Variants in LRTM1 observed in about 807,000 individuals in gnomAD.
LRTM1 encodes leucine rich repeat transmembrane protein 1.
LRTM1 carries 38 observed loss-of-function variants against 32.4 expected under a neutral mutation model. The ratio of observed to expected loss-of-function variants is 1.17; its 90% CI spans 0.91 to 1.54. The LOEUF (loss-of-function observed/expected upper bound fraction) is 1.54, where lower values mean the gene tolerates loss of function less well. Among genes scored for constraint, LRTM1 ranks in the 40% most tolerant of loss-of-function variants. The pLI is 0.00. For synonymous variants in LRTM1, 186 were observed against 169.9 expected, an observed-to-expected ratio of 1.09 and a Z score of -0.74; for missense variants, 466 against 415.4, an observed-to-expected ratio of 1.12 and a Z score of -1.06.
chr3:54,924,507 C>A (rs1410194910), intron 2 of LRTM1, 112 bp downstream of exon 2: 1 of 879,360 alleles, frequency 1.1e-6, no homozygotes, highest in African/African-American at 1.7e-5. Flanking sequence ...GTGTAAAAGC[C>A]CAAATCCACC....
chr3:54,952,778 T>C (rs1701791154), intron 1 of LRTM1, among the ~76,000 whole-genome samples: 1 of 152,152 alleles, frequency 6.6e-6, no homozygotes, highest in East Asian at 1.9e-4. Flanking sequence ...CTCAATGCCC[T>C]CAGCTGTAGA....
At chr3:54,959,920 A>G (rs6445710) in intron 1 of LRTM1, among the ~76,000 whole-genome samples, 93,082 of 151,952 alleles carry the variant, frequency 0.61, 29,350 homozygotes, top group African/African-American at 0.76. Context: ...GATTACCTCA[A>G]GGGTGAAAAG....
chr3:54,949,352 GA>G (rs1046007785), intron 1 of LRTM1, among the ~76,000 whole-genome samples: 8 of 152,090 alleles, frequency 5.3e-5, no homozygotes, highest in African/African-American at 1.9e-4. Context: ...CTCTGCTGCT[GA>G]AAAAAGGGGA....
chr3:54,922,402 A>T (rs1700878910), intron 2 of LRTM1, among the ~76,000 whole-genome samples: 1 of 151,624 alleles, frequency 6.6e-6, no homozygotes, highest in South Asian at 2.1e-4. Flanking sequence ...TTACAATTTA[A>T]TCCACAATAC....
chr3:54,924,056 T>A (rs970766552), intron 2 of LRTM1, among the ~76,000 whole-genome samples: 2 of 152,234 alleles, frequency 1.3e-5, no homozygotes, highest in Admixed American at 6.5e-5. Context: ...TTTAATAGTC[T>A]GAGATCTCTT....
intron 2 of LRTM1, among the ~76,000 whole-genome samples, chr3:54,924,173 T>C (rs1700941519): frequency 6.6e-6 from 1 of 152,150 alleles, no homozygotes; most frequent in South Asian, 2.1e-4. Flanking sequence ...GAAAGGACAA[T>C]TTTAGAAAAG....
intron 2 of LRTM1, among the ~76,000 whole-genome samples, chr3:54,920,243 C>G (rs940264212): frequency 6.6e-6 from 1 of 152,222 alleles, no homozygotes; most frequent in Non-Finnish European, 1.5e-5. Context: ...TTCACATTTA[C>G]TCTCTCTAAG....
At chr3:54,932,182 AAAT>A (rs1007681030), upstream of LRTM1, among the ~76,000 whole-genome samples, 5 of 152,172 alleles carry the variant, frequency 3.3e-5, no homozygotes, top group African/African-American at 1.2e-4. Flanking sequence ...CTGTCTCAAA[AAAT>A]AATAATAATA....
intron 1 of LRTM1, among the ~76,000 whole-genome samples, chr3:54,947,373 G>C (rs899221291): frequency 2.6e-5 from 4 of 152,142 alleles, no homozygotes; most frequent in African/African-American, 9.7e-5. Flanking sequence ...GTGTATAACA[G>C]GCTCTGGTTA....
chr3:54,934,272 ATG>A (rs1213943480), intron 1 of LRTM1, among the ~76,000 whole-genome samples: 1 of 152,168 alleles, frequency 6.6e-6, no homozygotes, highest in Non-Finnish European at 1.5e-5. Flanking sequence ...TGACATTAAG[ATG>A]TAAATTGAAT....
chr3:54,940,782 G>A (rs902982624), intron 1 of LRTM1, among the ~76,000 whole-genome samples: 8 of 151,760 alleles, frequency 5.3e-5, no homozygotes, highest in African/African-American at 1.5e-4. Context: ...GTTTTGCAGG[G>A]GAAGGGGGCT....
intron 1 of LRTM1, among the ~76,000 whole-genome samples, chr3:54,926,000 C>G (rs951809850): frequency 6.6e-6 from 1 of 152,104 alleles, no homozygotes; most frequent in African/African-American, 2.4e-5. Flanking sequence ...TCTGCAAGTC[C>G]TTCATGGGTT....
chr3:54,938,758 G>C (rs1243920751), intron 1 of LRTM1, among the ~76,000 whole-genome samples: 2 of 152,120 alleles, frequency 1.3e-5, no homozygotes, highest in African/African-American at 4.8e-5. Flanking sequence ...AAATTTGAGA[G>C]CATGTTGAAA....
chr3:54,950,475 C>T lies in LRTM1; in HGVS notation c.-222+16453G>A, dbSNP rs572551595. Among the ~76,000 whole-genome samples the T allele has an allele frequency of 4.6e-5, 7 of 152,196 alleles. No individual in the cohort carries two copies. In the East Asian group the frequency reaches 7.7e-4, roughly 17 times the overall value. ...CTTCCCTCTTCATCTTGCAAGGCAG[C>T]GATATAATGCTGACAATAATTATAA... is the stretch of plus-strand genomic sequence containing the variant. On this transcript the variant is annotated intron_variant, in intron 1 of 2. Coordinates refer to the LRTM1 transcript ENST00000493075.
intron 2 of LRTM1, among the ~76,000 whole-genome samples, chr3:54,921,093 G>C (rs1051698759): frequency 6.6e-6 from 1 of 152,166 alleles, no homozygotes; most frequent in East Asian, 1.9e-4. Context: ...TACAGCTTGA[G>C]GGTCCCACAT....
rs781590348 is a variant in LRTM1, at chr3:54,924,876, CT to C, written c.346del (p.Arg116AspfsTer9). 2 of 1,613,798 alleles carry C rather than the reference CT, an allele frequency of 1.2e-6. 1 individual carries two copies. Among genetic ancestry groups the C allele is most frequent in the South Asian group, 2.2e-5 (2 of 91,058 alleles). On this transcript the variant is annotated frameshift_variant, in exon 2 of 3. Coordinates refer to ENST00000273286, the MANE Select transcript of LRTM1 (RefSeq NM_020678.4). LOFTEE classifies it high-confidence loss of function. ...TQNSLLSLES[R>X]LFHSLPQLRE... Reference sequence around the variant, plus strand: ...CAGCTGAGGGAGGGAATGGAAAAGTCTGCTTTCCAGGGAAAGGAGTGAATTC... The same window carrying C: ...CAGCTGAGGGAGGGAATGGAAAAGTCGCTTTCCAGGGAAAGGAGTGAATTC...
Position 54,927,979 on chromosome 3 carries a change from G to T in LRTM1, c.-68C>A. 6.8e-7 allele frequency: 1 copy of T among 1,479,842 alleles called. No individual in the cohort carries two copies. Among genetic ancestry groups the T allele is most frequent in the Non-Finnish European group, 9.4e-7 (1 of 1,059,658 alleles). The allele number at this position is 1,479,842 out of a possible 1,614,324, so 91.7% of individuals were successfully genotyped here. A position where few individuals can be genotyped will look rare whatever the true frequency, so the allele number is the denominator to read the frequency against. On this transcript the variant is annotated 5_prime_UTR_variant, in exon 1 of 3. Coordinates refer to ENST00000273286, the MANE Select transcript of LRTM1 (RefSeq NM_020678.4). ...TTAATTAATGTGCAGAGCAACACAC[G>T]AAGGGCATGGCAGACTCAGAGCCCA...
chr3:54,959,205 A>G (rs1701975654), intron 1 of LRTM1, among the ~76,000 whole-genome samples: 1 of 152,236 alleles, frequency 6.6e-6, no homozygotes, highest in African/African-American at 2.4e-5. Context: ...CAGTTGGGCC[A>G]AGCTGAGCTC....
intron 1 of LRTM1, among the ~76,000 whole-genome samples, chr3:54,936,574 G>A (rs1701335393): frequency 6.6e-6 from 1 of 152,088 alleles, no homozygotes; most frequent in Admixed American, 6.6e-5. Flanking sequence ...TTCCCCTTCT[G>A]GTGCAATAGT....
Sources: allele counts gnomAD v4.1 joint callset (sites outside exome capture counted in the v4.1 genomes callset), GRCh38; gene constraint gnomAD v4.1.1; transcripts MANE v1.5; gene names NCBI Gene and HGNC (gene_info 2026-07-23, HGNC 2026-07-21).